The following GGNBP2 variants were observed in gnomAD, a reference collection of about 807,000 sequenced individuals.
GGNBP2 encodes the protein gametogenetin-binding protein 2.
A neutral mutation model predicts 85.9 loss-of-function variants in GGNBP2; 10 were observed. The ratio of observed to expected loss-of-function variants is 0.12; its 90% CI spans 0.07 to 0.20. The LOEUF (loss-of-function observed/expected upper bound fraction) is 0.20, where lower values mean the gene tolerates loss of function less well. GGNBP2 is among the 10% of genes least tolerant of loss of function. GGNBP2 has a pLI of 1.00. For synonymous variants in GGNBP2, 287 were observed against 285.7 expected, an observed-to-expected ratio of 1.00 and a Z score of -0.05; for missense variants, 595 against 857.8, an observed-to-expected ratio of 0.69 and a Z score of 3.83.
chr17:36,579,891 ATCC>A (rs2074628807), intron 8 of GGNBP2, among the ~76,000 whole-genome samples: 1 of 152,038 alleles, frequency 6.6e-6, no homozygotes, highest in African/African-American at 2.4e-5. Flanking sequence ...GGCACCTGTA[ATCC>A]AGCTACTTGG....
chr17:36,572,041 ACT>A (rs946204812), intron 6 of GGNBP2, among the ~76,000 whole-genome samples: 6 of 151,216 alleles, frequency 4.0e-5, no homozygotes, highest in Admixed American at 1.3e-4. Context: ...ACAGAGTGAG[ACT>A]CTGTCTCGAA....
At chr17:36,576,641 A>ATG (rs2074593127) in intron 6 of GGNBP2, 1 of 129,742 alleles carries the variant, frequency 7.7e-6, no homozygotes, top group African/African-American at 3.1e-5. Context: ...ATATGTATAT[A>ATG]TGTATATGTA....
At chr17:36,580,021 C>A (rs2074630449) in intron 8 of GGNBP2, among the ~76,000 whole-genome samples, 2 of 151,310 alleles carry the variant, frequency 1.3e-5, no homozygotes, top group Admixed American at 1.3e-4. Context: ...AAAACAAAAA[C>A]AAAAACAAAA....
At chr17:36,557,494 G>A (rs549637827) in intron 4 of GGNBP2, among the ~76,000 whole-genome samples, 158 bp downstream of exon 4, 16 of 152,244 alleles carry the variant, frequency 1.1e-4, no homozygotes, top group Non-Finnish European at 1.5e-4. Context: ...AACTCTCCAC[G>A]TGGGGAGAGG....
intron 6 of GGNBP2, among the ~76,000 whole-genome samples, chr17:36,571,662 A>T (rs2074526042): frequency 2.0e-5 from 3 of 151,562 alleles, no homozygotes; most frequent in African/African-American, 7.3e-5. Context: ...TAACACTGTG[A>T]AACCCCATCT....
intron 6 of GGNBP2, chr17:36,576,924 G>A (rs953103162): frequency 5.3e-5 from 8 of 152,068 alleles, no homozygotes; most frequent in African/African-American, 7.2e-5. Flanking sequence ...GTGAATTTAA[G>A]GTGTTGCCTA....
At chr17:36,579,175 T>C in intron 7 of GGNBP2, 70 bp from the exon 8 acceptor site, 1 of 1,349,388 alleles carries the variant, frequency 7.4e-7, no homozygotes, top group East Asian at 2.3e-5. Flanking sequence ...AAACCTGAAC[T>C]TGCAGCTGTG....
intron 13 of GGNBP2, among the ~76,000 whole-genome samples, chr17:36,588,249 A>G (rs1048957444): frequency 7.2e-5 from 11 of 152,012 alleles, no homozygotes; most frequent in Non-Finnish European, 1.2e-4. Context: ...CCTTCGGAAT[A>G]CTAGCTTTTT....
chr17:36,549,034 G>T (rs367943272), intron 2 of GGNBP2, among the ~76,000 whole-genome samples: 47 of 152,318 alleles, frequency 3.1e-4, no homozygotes, highest in African/African-American at 1.1e-3. Flanking sequence ...GAACACCTGA[G>T]TATAGGATAG....
chr17:36,545,372 C>T (rs968516917), intron 1 of GGNBP2: 3 of 258,942 alleles, frequency 1.2e-5, no homozygotes, highest in Non-Finnish European at 2.2e-5. Flanking sequence ...CGGTCCCTTC[C>T]GCCTCTCCTT....
At chr17:36,553,740 A>G (rs1336156847) in intron 2 of GGNBP2, among the ~76,000 whole-genome samples, 1 of 152,158 alleles carries the variant, frequency 6.6e-6, no homozygotes, top group Non-Finnish European at 1.5e-5. Context: ...CATTGTTTTG[A>G]AGGCATATCT....
intron 3 of GGNBP2, among the ~76,000 whole-genome samples, chr17:36,555,551 GC>G (rs1345588072): frequency 6.6e-6 from 1 of 152,118 alleles, no homozygotes; most frequent in Non-Finnish European, 1.5e-5. Context: ...AAAAAGTTGG[GC>G]AGACATGGCA....
intron 6 of GGNBP2, among the ~76,000 whole-genome samples, chr17:36,572,290 G>A (rs1555606939): frequency 1.3e-5 from 2 of 152,114 alleles, no homozygotes; most frequent in East Asian, 3.9e-4. Flanking sequence ...ATGTGAACTT[G>A]CTGTTTATAA....
At chr17:36,562,279 G>A (rs2074424935) in intron 5 of GGNBP2, among the ~76,000 whole-genome samples, 1 of 152,070 alleles carries the variant, frequency 6.6e-6, no homozygotes, top group South Asian at 2.1e-4. Flanking sequence ...CAATTCTTGT[G>A]CCTCAGCCTC....
rs576001992 is a variant in GGNBP2 at position 36,568,863 on chromosome 17, C to G, written c.641+1087C>G. Among the ~76,000 whole-genome samples, 29 of 151,854 alleles carry G rather than the reference C, an allele frequency of 1.9e-4. 1 individual carries two copies. The South Asian group carries it at 6.0e-3, about 32-fold the overall frequency. ...TGCTGACTCCCTGGTTCAAGAGATT[C>G]TCCTGCCTCACCCTCCCAAGTAGCT... On this transcript the variant is annotated intron_variant, in intron 6 of 13. Transcript: ENST00000613102.
Position 36,585,592 on chromosome 17 carries a change from A to G in GGNBP2, c.1366+142A>G, listed in dbSNP as rs145663243. 9.1e-6 allele frequency: 6 copies of G among 657,110 alleles called. No individual in the cohort carries two copies. In the Admixed American group the frequency reaches 2.1e-4, roughly 23 times the overall value. 40.7% of individuals were successfully genotyped at this position (657,110 alleles called of 1,614,324 possible). On this transcript the variant is annotated intron_variant, in intron 10 of 13. Coordinates refer to ENST00000613102, the MANE Select transcript of GGNBP2 (RefSeq NM_024835.5). Reference sequence around the variant, plus strand: ...AGAATATCATATAATTTAGTCAGATACTTAATATTTCCTTTTTCTTTATGT... The same window carrying G: ...AGAATATCATATAATTTAGTCAGATGCTTAATATTTCCTTTTTCTTTATGT...
chr17:36,567,909 T>G, intron 6 of GGNBP2, 133 bp downstream of exon 6: 1 of 501,896 alleles, frequency 2.0e-6, no homozygotes. Flanking sequence ...TAGGCGGAGC[T>G]TAATATTAGA....
chr17:36,545,877 C>T (rs373877884), intron 2 of GGNBP2, 60 bp downstream of exon 2: 4 of 1,226,288 alleles, frequency 3.3e-6, no homozygotes, highest in Non-Finnish European at 3.5e-6. Context: ...CCCCTCCTCC[C>T]CCTCCCCCAG....
intron 6 of GGNBP2, among the ~76,000 whole-genome samples, chr17:36,571,746 G>T (rs1183936848): frequency 6.6e-6 from 1 of 152,158 alleles, no homozygotes; most frequent in Non-Finnish European, 1.5e-5. Flanking sequence ...GGGAGGCTGA[G>T]GCAGGAGAAT....
Sources: gnomAD v4.1 joint callset for allele counts (sites outside exome capture counted in the v4.1 genomes callset) on GRCh38, gnomAD v4.1.1 for gene constraint, MANE v1.5 for transcripts, NCBI Gene and HGNC (gene_info 2026-07-23, HGNC 2026-07-21) for gene names.